Variants in RTN3 observed in about 807,000 individuals in gnomAD.
RTN3 encodes reticulon 3.
A neutral mutation model predicts 77.8 loss-of-function variants in RTN3; 49 were observed. The ratio of observed to expected loss-of-function variants is 0.63; its 90% CI spans 0.50 to 0.80. The LOEUF is 0.80. RTN3 is among the 30% of genes least tolerant of loss of function. The probability of loss-of-function intolerance (pLI) is 0.00; values close to 1 mark genes in which losing one functional copy is unlikely to be tolerated. For synonymous variants in RTN3, 464 were observed against 446.9 expected (o/e 1.04, Z -0.48); for missense variants, 1,236 against 1,211.9 (o/e 1.02, Z -0.29).
At chr11:63,757,614 C>T (rs1056912258) in intron 8 of RTN3, among the ~76,000 whole-genome samples, 6 of 152,204 alleles carry the variant, frequency 3.9e-5, no homozygotes, top group Admixed American at 3.9e-4. Flanking sequence ...CCACCTTGGC[C>T]TCACAAAGTG....
At chr11:63,757,671 GC>G (rs2014449575) in intron 8 of RTN3, among the ~76,000 whole-genome samples, 1 of 151,608 alleles carries the variant, frequency 6.6e-6, no homozygotes, top group African/African-American at 2.4e-5. Flanking sequence ...ATTATTCATA[GC>G]AAATACTGTG....
At chr11:63,698,207 T>C (rs925614292) in intron 1 of RTN3, among the ~76,000 whole-genome samples, 6 of 150,726 alleles carry the variant, frequency 4.0e-5, no homozygotes, top group African/African-American at 1.2e-4. Context: ...CACTGCCACC[T>C]CCGCTTCCTG....
At position 63,681,773 on chromosome 11, in the gene RTN3, G is replaced by A. The variant is rs1453429873; in HGVS notation, c.137G>A (p.Cys46Tyr). 1 of 1,585,058 alleles carries A rather than the reference G, an allele frequency of 6.3e-7. No individual in the cohort carries two copies. Among genetic ancestry groups the A allele is most frequent in the Non-Finnish European group, 8.6e-7 (1 of 1,169,504 alleles). Residue 46 changes from cysteine (C) to tyrosine (Y), a missense_variant, in exon 1 of 9, where the codon TGT becomes TAT. Around this residue, in one of 3 missense-constraint regions of RTN3, gnomAD observed 1,056 missense variants for 990.4 expected, o/e 1.07. Transcript: ENST00000377819. ...ALGTKSCSSS[C>Y]ADSFVSSSSS... ...GGGACGAAGAGCTGCAGCTCCTCCTGTGCGGGTAAGGCGCGCGGGGAGCCC... is the reference window on the plus strand; with the variant it reads ...GGGACGAAGAGCTGCAGCTCCTCCTATGCGGGTAAGGCGCGCGGGGAGCCC...
intron 2 of RTN3, among the ~76,000 whole-genome samples, chr11:63,711,674 C>T (rs888216795): frequency 3.9e-5 from 6 of 152,166 alleles, no homozygotes; most frequent in African/African-American, 1.4e-4. Context: ...AAGTGATTCT[C>T]CTGCCTCAGC....
intron 2 of RTN3, among the ~76,000 whole-genome samples, chr11:63,707,333 G>T (rs1942546517): frequency 6.6e-6 from 1 of 151,958 alleles, no homozygotes; most frequent in African/African-American, 2.4e-5. Flanking sequence ...TTAATCCCTG[G>T]TTAACAACAC....
intron 3 of RTN3, chr11:63,747,017 T>G (rs762432772): frequency 1.6e-4 from 75 of 456,080 alleles, no homozygotes; most frequent in Non-Finnish European, 2.9e-4. Flanking sequence ...GAATTAAGAT[T>G]AAAAGAAGTA....
At chr11:63,715,979 A>G (rs1221646207) in intron 2 of RTN3, among the ~76,000 whole-genome samples, 1 of 152,248 alleles carries the variant, frequency 6.6e-6, no homozygotes, top group Non-Finnish European at 1.5e-5. Context: ...TCCATACTGT[A>G]TAATGGTAGA....
chr11:63,688,794 G>A (rs929513111), intron 1 of RTN3, among the ~76,000 whole-genome samples: 8 of 152,116 alleles, frequency 5.3e-5, no homozygotes, highest in Non-Finnish European at 1.0e-4. Context: ...TGATATAGGA[G>A]TTACCTGTCT....
intron 1 of RTN3, among the ~76,000 whole-genome samples, chr11:63,698,922 C>G (rs1590795566): frequency 6.6e-6 from 1 of 152,242 alleles, no homozygotes; most frequent in African/African-American, 2.4e-5. Context: ...GTCCCTATTA[C>G]TGCACTGCCT....
At chr11:63,705,915 A>G (rs1942472535) in intron 2 of RTN3, among the ~76,000 whole-genome samples, 3 of 152,228 alleles carry the variant, frequency 2.0e-5, no homozygotes, top group Non-Finnish European at 4.4e-5. Context: ...ATAAAGTATT[A>G]TTTCATTCGT....
At chr11:63,730,203 G>C (rs976849355) in intron 3 of RTN3, among the ~76,000 whole-genome samples, 2 of 152,106 alleles carry the variant, frequency 1.3e-5, no homozygotes, top group African/African-American at 2.4e-5. Context: ...CTGACCTCTA[G>C]TGATCCACCC....
At chr11:63,703,033 T>C (rs1350257177) in intron 1 of RTN3, among the ~76,000 whole-genome samples, 4 of 152,166 alleles carry the variant, frequency 2.6e-5, no homozygotes, top group Admixed American at 2.6e-4. Context: ...TGTCTACGTA[T>C]ACACTTAGCC....
chr11:63,699,435 G>A (rs1277653282), intron 1 of RTN3, among the ~76,000 whole-genome samples: 3 of 152,022 alleles, frequency 2.0e-5, no homozygotes, highest in Non-Finnish European at 2.9e-5. Context: ...TCTCTTGTCA[G>A]CAGTCCTCTC....
At chr11:63,727,718 C>T (rs530121634) in intron 3 of RTN3, among the ~76,000 whole-genome samples, 1 of 152,216 alleles carries the variant, frequency 6.6e-6, no homozygotes, top group Non-Finnish European at 1.5e-5. Flanking sequence ...TGTAATCCCA[C>T]CACTTCAGCA....
intron 1 of RTN3, among the ~76,000 whole-genome samples, chr11:63,682,847 A>G (rs1234873932): frequency 6.6e-6 from 1 of 152,176 alleles, no homozygotes; most frequent in East Asian, 1.9e-4. Flanking sequence ...GGGGGGAAAA[A>G]AAAACCACCA....
chr11:63,756,920 A>T (rs574076906), intron 8 of RTN3, among the ~76,000 whole-genome samples: 11 of 152,114 alleles, frequency 7.2e-5, no homozygotes, highest in African/African-American at 2.4e-4. Context: ...GTGGCATGCA[A>T]CTTTAGTCCC....
Position 63,720,033 on chromosome 11 carries a change from G to C in RTN3, c.1531G>C (p.Asp511His). The C allele has an allele frequency of 6.2e-7, 1 of 1,614,144 alleles. No homozygotes were observed. The highest frequency in any genetic ancestry group is 1.3e-5 in the African/African-American group (1 of 75,042). ...CACAGTAATAGAGGACATCACAGCA[G>C]ATACATCATTTGAAAATAACAAAAT... is the stretch of plus-strand genomic sequence containing the variant. ...DDTVIEDITA[D>H]TSFENNKIQA... The change falls in exon 3 of 9, where the codon GAT (aspartate) becomes CAT (histidine). Residue 511 changes from aspartate to histidine, a missense_variant. Transcript: ENST00000377819.
In RTN3 at chr11:63,720,067, A is replaced by T; in HGVS notation, c.1565A>T (p.Glu522Val). 6.2e-7 allele frequency: 1 copy of T among 1,614,096 alleles called. No homozygotes were observed. Residue 522 changes from glutamate to valine, a missense_variant, in exon 3 of 9, where the codon GAA (glutamate) becomes GTA (valine). Around this residue, in one of 3 missense-constraint regions of RTN3, gnomAD observed 1,056 missense variants for 990.4 expected, o/e 1.07. Coordinates refer to ENST00000377819, the MANE Select transcript of RTN3 (RefSeq NM_001265589.2). ...TTTGAAAATAACAAAATTCAGGCTG[A>T]AAAACCTGTTTCCATTCCAAGTGCT... is the stretch of plus-strand genomic sequence containing the variant. Reference protein sequence around the residue: ...TSFENNKIQAEKPVSIPSAVV... With the variant: ...TSFENNKIQAVKPVSIPSAVV...
rs1802332 is a variant in RTN3 at position 63,758,867 on chromosome 11, G to A, written c.*666G>A. Reference sequence around the variant, plus strand: ...GAGTCAGCAGGCATGCTGCGGTGGCGGTCACTCCCTCTGCCACTATCCCCA... The same window carrying A: ...GAGTCAGCAGGCATGCTGCGGTGGCAGTCACTCCCTCTGCCACTATCCCCA... On this transcript the variant is annotated 3_prime_UTR_variant, in exon 9 of 9. Transcript: ENST00000377819. 1,031 of 152,782 alleles carry A rather than the reference G, an allele frequency of 6.7e-3. 9 individuals carry two copies. Among genetic ancestry groups the A allele is most frequent in the Non-Finnish European group, 0.011 (780 of 68,300 alleles). 9.5% of individuals were successfully genotyped at this position (152,782 alleles called of 1,614,324 possible). A position where few individuals can be genotyped will look rare whatever the true frequency, so the allele number is the denominator to read the frequency against.
Sources: gnomAD v4.1 joint callset for allele counts (sites outside exome capture counted in the v4.1 genomes callset) on GRCh38, gnomAD v4.1.1 for gene constraint, gnomAD v4.1.1 regional missense constraint, MANE v1.5 for transcripts, NCBI Gene and HGNC (gene_info 2026-07-23, HGNC 2026-07-21) for gene names.